The following PRR5L variants were observed in gnomAD, a reference collection of about 807,000 sequenced individuals.
PRR5L encodes the protein proline rich 5 like.
PRR5L carries 21 observed loss-of-function variants against 36.4 expected under a neutral mutation model. The observed-to-expected ratio is 0.58, with a 90% CI of 0.41 to 0.83. The LOEUF (loss-of-function observed/expected upper bound fraction) is 0.83, where lower values mean the gene tolerates loss of function less well. Among genes scored for constraint, PRR5L ranks in the 40% least tolerant of loss-of-function variants. The pLI is 0.00. For synonymous variants in PRR5L, 188 were observed against 197.0 expected (o/e 0.95, Z 0.38); for missense variants, 381 against 473.3 (o/e 0.80, Z 1.81).
At chr11:36,404,649 G>A (rs937545295) in intron 3 of PRR5L, among the ~76,000 whole-genome samples, 4 of 151,890 alleles carry the variant, frequency 2.6e-5, no homozygotes, top group Admixed American at 6.6e-5. Context: ...ACCCAACCCT[G>A]GAGTGGGCAG....
chr11:36,403,054 G>A (rs926220460), intron 2 of PRR5L, among the ~76,000 whole-genome samples: 77 of 152,334 alleles, frequency 5.1e-4, no homozygotes, highest in African/African-American at 1.8e-3. Flanking sequence ...CAGCAGGGCC[G>A]CCAGCGAGGT....
chr11:36,333,865 G>C lies in PRR5L; in HGVS notation c.-126+37427G>C, dbSNP rs181814417. On this transcript the variant is annotated intron_variant, in intron 1 of 8. Coordinates refer to ENST00000530639, the MANE Select transcript of PRR5L (RefSeq NM_001160167.2). The stretch of plus-strand genomic sequence containing the variant: ...TTGTACACTTTAAATGGATGCAGGG[G>C]TTTATTGTATATAAAAAGTGTATGT... 9.5e-4 allele frequency among the ~76,000 whole-genome samples: 144 copies of C among 152,234 alleles called. 1 individual carries two copies. The highest frequency in any genetic ancestry group is 1.6e-3 in the Non-Finnish European group (106 of 68,016).
intron 1 of PRR5L, among the ~76,000 whole-genome samples, chr11:36,368,065 C>T (rs528557977): frequency 4.2e-4 from 63 of 151,502 alleles, no homozygotes; most frequent in African/African-American, 1.4e-3. Flanking sequence ...CAAGGCTGAC[C>T]GTGAGAGTAA....
chr11:36,358,310 C>T (rs1178894182), intron 1 of PRR5L, among the ~76,000 whole-genome samples: 2 of 152,114 alleles, frequency 1.3e-5, no homozygotes, highest in Non-Finnish European at 2.9e-5. Context: ...AGGCTAACTT[C>T]GTTGTTGTCT....
intron 1 of PRR5L, among the ~76,000 whole-genome samples, chr11:36,339,709 C>A (rs898584852): frequency 1.3e-5 from 2 of 152,176 alleles, no homozygotes; most frequent in African/African-American, 4.8e-5. Flanking sequence ...ATTCCTGAGC[C>A]TAGGCTCTTA....
At chr11:36,338,735 T>C (rs1431620711) in intron 1 of PRR5L, among the ~76,000 whole-genome samples, 1 of 152,160 alleles carries the variant, frequency 6.6e-6, no homozygotes, top group African/African-American at 2.4e-5. Context: ...CTATGAAATC[T>C]GGTTTTTTTG....
intron 1 of PRR5L, among the ~76,000 whole-genome samples, chr11:36,327,444 G>A (rs1856676168): frequency 6.6e-6 from 1 of 152,138 alleles, no homozygotes; most frequent in Non-Finnish European, 1.5e-5. Flanking sequence ...GTCTAGTATA[G>A]CATCACATGA....
Position 36,462,629 on chromosome 11 carries a change from C to A in PRR5L, c.1000C>A (p.Arg334=). 1 of 1,612,394 alleles carries A rather than the reference C, an allele frequency of 6.2e-7. No individual in the cohort carries two copies. Among genetic ancestry groups the A allele is most frequent in the Non-Finnish European group, 8.5e-7 (1 of 1,179,900 alleles). The change falls in exon 9 of 9, where the codon CGG becomes AGG. Residue 334 remains arginine, a synonymous_variant. Coordinates refer to ENST00000530639, the MANE Select transcript of PRR5L (RefSeq NM_001160167.2). The part of the protein sequence containing the change: ...LLPPSFPPPH[R]QCSSEPNITD... ...GCCACCCAGCTTCCCCCCGCCCCAC[C>A]GGCAGTGCTCCAGTGAGCCCAACAT...
chr11:36,309,518 G>T (rs1459930205), intron 1 of PRR5L, among the ~76,000 whole-genome samples: 1 of 146,372 alleles, frequency 6.8e-6, no homozygotes, highest in African/African-American at 2.6e-5. Flanking sequence ...TTAGTGATGG[G>T]ATTTTCTTCA....
chr11:36,417,660 G>C (rs1345554256), intron 3 of PRR5L, among the ~76,000 whole-genome samples: 1 of 152,154 alleles, frequency 6.6e-6, no homozygotes, highest in African/African-American at 2.4e-5. Context: ...GCTTTCCAGG[G>C]CTTTTTCTGC....
intron 3 of PRR5L, among the ~76,000 whole-genome samples, chr11:36,417,228 C>T (rs1467222146): frequency 6.6e-6 from 1 of 152,202 alleles, no homozygotes; most frequent in African/African-American, 2.4e-5. Context: ...TGTTTTTCCA[C>T]TTGTGCGCAA....
intron 3 of PRR5L, among the ~76,000 whole-genome samples, chr11:36,412,538 T>C (rs1422149252): frequency 6.6e-6 from 1 of 152,170 alleles, no homozygotes; most frequent in Non-Finnish European, 1.5e-5. Flanking sequence ...AAGGAGCTTA[T>C]GGCCTAGGTA....
intron 5 of PRR5L, among the ~76,000 whole-genome samples, chr11:36,436,309 T>C (rs1858605345): frequency 6.6e-6 from 1 of 152,232 alleles, no homozygotes; most frequent in Non-Finnish European, 1.5e-5. Flanking sequence ...CAGTGACCAA[T>C]ATCAGCTCTG....
chr11:36,319,093 G>C (rs780806706), intron 1 of PRR5L, among the ~76,000 whole-genome samples: 1 of 152,122 alleles, frequency 6.6e-6, no homozygotes, highest in African/African-American at 2.4e-5. Context: ...TGAAATAAAG[G>C]GGATAAAGGA....
intron 1 of PRR5L, among the ~76,000 whole-genome samples, chr11:36,352,422 G>A (rs914389390): frequency 2.0e-5 from 3 of 151,998 alleles, no homozygotes; most frequent in Admixed American, 2.0e-4. Flanking sequence ...TGTTTCTTTT[G>A]CTATGCAGAA....
intron 1 of PRR5L, among the ~76,000 whole-genome samples, chr11:36,303,872 T>C (rs1467241081): frequency 6.6e-6 from 1 of 152,260 alleles, no homozygotes; most frequent in East Asian, 1.9e-4. Context: ...GATTCACTGC[T>C]AGCAACCCAA....
intron 1 of PRR5L, among the ~76,000 whole-genome samples, chr11:36,302,999 T>G (rs777462154): frequency 1.3e-5 from 2 of 152,126 alleles, no homozygotes; most frequent in Non-Finnish European, 2.9e-5. Context: ...AGGTCACATA[T>G]CTGGAAGAGT....
At chr11:36,403,469 T>G (rs1857843595) in intron 3 of PRR5L, 91 bp downstream of exon 3, 2 of 943,722 alleles carry the variant, frequency 2.1e-6, no homozygotes, top group South Asian at 1.5e-5. Flanking sequence ...AAGGGTTTTT[T>G]TTTTTTTTTT....
chr11:36,401,248 C>T lies in PRR5L; in HGVS notation c.127C>T (p.Gln43Ter). 3 of 1,613,034 alleles carry T rather than the reference C, an allele frequency of 1.9e-6. No homozygotes were observed. Among genetic ancestry groups the T allele is most frequent in the Non-Finnish European group, 2.5e-6 (3 of 1,179,984 alleles). Residue 43 changes from glutamine (Q) to a stop codon, truncating the protein, a stop_gained, in exon 2 of 9, where the codon CAG becomes TAG. Coordinates refer to ENST00000530639, the MANE Select transcript of PRR5L (RefSeq NM_001160167.2). LOFTEE classifies it high-confidence loss of function. ...SDLPRFQAAR[Q>*]ALQLSSSSAW... The stretch of plus-strand genomic sequence containing the variant: ...CCTTCCCCGATTCCAAGCAGCTCGG[C>T]AGGCTCTGCAGCTGAGCTCCAGCTC...
Sources: allele counts gnomAD v4.1 joint callset (sites outside exome capture counted in the v4.1 genomes callset), GRCh38; gene constraint gnomAD v4.1.1; transcripts MANE v1.5; gene names NCBI Gene and HGNC (gene_info 2026-07-23, HGNC 2026-07-21).